DLGAP1: variants seen among roughly 807,000 people sequenced by gnomAD.
DLGAP1 encodes disks large-associated protein 1.
A neutral mutation model predicts 90.8 loss-of-function variants in DLGAP1; 11 were observed. The ratio of observed to expected loss-of-function variants is 0.12; its 90% CI spans 0.08 to 0.20. The LOEUF is 0.20. DLGAP1 is among the 10% of genes least tolerant of loss of function. The pLI is 1.00. For missense variants in DLGAP1, 1,050 were observed against 1,333.8 expected (o/e 0.79, Z 3.31); for synonymous variants, 558 against 540.7 (o/e 1.03, Z -0.44).
intron 1 of DLGAP1, among the ~76,000 whole-genome samples, chr18:4,222,215 A>G (rs1013109099): frequency 2.0e-5 from 3 of 152,156 alleles, no homozygotes; most frequent in Non-Finnish European, 4.4e-5. Flanking sequence ...CCAATTGCCT[A>G]CTTTATGTCT....
intron 5 of DLGAP1, among the ~76,000 whole-genome samples, chr18:3,787,480 C>CAAA (rs1189558362): frequency 2.4e-4 from 15 of 63,804 alleles, no homozygotes; most frequent in African/African-American, 8.3e-4. Flanking sequence ...AACTCCATCT[C>CAAA]AAAAAAAAAA....
intron 3 of DLGAP1, among the ~76,000 whole-genome samples, chr18:3,999,538 G>A (rs1454230192): frequency 1.3e-5 from 2 of 152,050 alleles, no homozygotes; most frequent in African/African-American, 4.8e-5. Context: ...TTCCTATGTG[G>A]TCAATATCAA....
chr18:4,217,213 T>A (rs911503289), intron 1 of DLGAP1, among the ~76,000 whole-genome samples: 6 of 152,148 alleles, frequency 3.9e-5, no homozygotes, highest in Admixed American at 3.3e-4. Context: ...GAGGTTTGGC[T>A]GCTCATTTCT....
At chr18:3,816,055 AAC>A (rs1192007209) in intron 4 of DLGAP1, among the ~76,000 whole-genome samples, 16 of 150,462 alleles carry the variant, frequency 1.1e-4, no homozygotes, top group African/African-American at 3.9e-4. Context: ...CCATTAAAAT[AAC>A]ATGGTACTTC....
intron 7 of DLGAP1, among the ~76,000 whole-genome samples, chr18:3,668,772 C>T (rs1225431510): frequency 4.6e-5 from 7 of 152,114 alleles, no homozygotes; most frequent in African/African-American, 1.7e-4. Flanking sequence ...CCGAGGCAGG[C>T]AGATCACCTA....
At chr18:3,921,558 T>C (rs1399071831) in intron 3 of DLGAP1, among the ~76,000 whole-genome samples, 1 of 152,124 alleles carries the variant, frequency 6.6e-6, no homozygotes, top group East Asian at 1.9e-4. Flanking sequence ...ATGCAGGAGG[T>C]TAAATGGAGA....
chr18:4,175,180 T>C (rs2144615852), intron 1 of DLGAP1, among the ~76,000 whole-genome samples: 1 of 152,360 alleles, frequency 6.6e-6, no homozygotes, highest in African/African-American at 2.4e-5. Flanking sequence ...CCAGTGATGA[T>C]GAGCTTTTTT....
At chr18:3,571,843 T>G (rs1183363586) in intron 8 of DLGAP1, among the ~76,000 whole-genome samples, 1 of 152,164 alleles carries the variant, frequency 6.6e-6, no homozygotes, top group South Asian at 2.1e-4. Flanking sequence ...GGTCTTATAT[T>G]TTATGTAAGG....
At chr18:3,511,554 T>C (rs2050546006) in intron 10 of DLGAP1, among the ~76,000 whole-genome samples, 1 of 148,900 alleles carries the variant, frequency 6.7e-6, no homozygotes, top group Non-Finnish European at 1.5e-5. Context: ...ACCTTCACGG[T>C]GGAAAAAAAA....
At chr18:3,592,878 GAAAGAAAA>G (rs2056347147) in intron 7 of DLGAP1, among the ~76,000 whole-genome samples, 2 of 113,862 alleles carry the variant, frequency 1.8e-5, no homozygotes, top group Non-Finnish European at 3.5e-5. Flanking sequence ...GAAAAAGAAA[GAAAGAAAA>G]AGAAAAAGAA....
At chr18:3,574,880 T>A (rs938431707) in intron 8 of DLGAP1, among the ~76,000 whole-genome samples, 5 of 151,196 alleles carry the variant, frequency 3.3e-5, no homozygotes, top group Admixed American at 2.0e-4. Context: ...AGTGGCACAA[T>A]CTTGGCTCAC....
intron 7 of DLGAP1, among the ~76,000 whole-genome samples, 173 bp downstream of exon 7, chr18:3,728,962 T>C (rs1447733345): frequency 6.6e-6 from 1 of 151,742 alleles, no homozygotes; most frequent in Non-Finnish European, 1.5e-5. Flanking sequence ...TGTGGGAGAG[T>C]GGCCAGAGGC....
chr18:4,146,241 A>G (rs1174280108), intron 2 of DLGAP1, among the ~76,000 whole-genome samples: 1 of 152,194 alleles, frequency 6.6e-6, no homozygotes, highest in Non-Finnish European at 1.5e-5. Flanking sequence ...CTTTAAAGTG[A>G]CCTTTCAGGT....
At chr18:3,886,705 A>T (rs2071324752) in intron 3 of DLGAP1, among the ~76,000 whole-genome samples, 1 of 152,210 alleles carries the variant, frequency 6.6e-6, no homozygotes, top group Non-Finnish European at 1.5e-5. Flanking sequence ...ATAACATACC[A>T]CTAAAGAGAA....
chr18:3,795,845 T>C (rs1265787319), intron 5 of DLGAP1, among the ~76,000 whole-genome samples: 2 of 152,096 alleles, frequency 1.3e-5, no homozygotes, highest in Non-Finnish European at 2.9e-5. Flanking sequence ...ACAAAGGTTC[T>C]CCTCATATAT....
chr18:3,512,545 C>T (rs1271696467), intron 10 of DLGAP1, among the ~76,000 whole-genome samples: 1 of 152,226 alleles, frequency 6.6e-6, no homozygotes, highest in Non-Finnish European at 1.5e-5. Context: ...GTTAGTGAAT[C>T]ACATAAAGTC....
chr18:4,281,568 C>G (rs770170060), intron 1 of DLGAP1, among the ~76,000 whole-genome samples: 11 of 152,024 alleles, frequency 7.2e-5, no homozygotes, highest in Non-Finnish European at 1.2e-4. Context: ...AAAATGTGGT[C>G]CATCTAGAAA....
intron 2 of DLGAP1, among the ~76,000 whole-genome samples, chr18:4,076,933 G>T (rs1316117136): frequency 1.3e-5 from 2 of 152,014 alleles, no homozygotes; most frequent in African/African-American, 4.8e-5. Flanking sequence ...CCTCTTTATA[G>T]TATTTATCAC....
chr18:4,004,667 G>T (rs1477837499), intron 3 of DLGAP1, among the ~76,000 whole-genome samples: 1 of 152,186 alleles, frequency 6.6e-6, no homozygotes, highest in Non-Finnish European at 1.5e-5. Flanking sequence ...AATAACCAGT[G>T]TGTGAGAGTT....
Sources: allele counts gnomAD v4.1 joint callset (sites outside exome capture counted in the v4.1 genomes callset), GRCh38; gene constraint gnomAD v4.1.1; transcripts MANE v1.5; gene names NCBI Gene and HGNC (gene_info 2026-07-23, HGNC 2026-07-21).